WLS: variants seen among roughly 807,000 people sequenced by gnomAD.
WLS encodes Wnt ligand secretion mediator.
WLS carries 23 observed loss-of-function variants against 62.8 expected under a neutral mutation model. The observed-to-expected ratio is 0.37, with a 90% CI of 0.26 to 0.52. WLS has a LOEUF of 0.52. Ranked by LOEUF, WLS falls within the 20% of genes least tolerant of loss-of-function variation. The pLI is 0.92. For missense variants in WLS, 615 were observed against 697.3 expected (o/e 0.88, Z 1.33); for synonymous variants, 246 against 244.1 (o/e 1.01, Z -0.07).
At chr1:68,225,775 C>G (rs1299191580) in intron 1 of WLS, among the ~76,000 whole-genome samples, 2 of 152,198 alleles carry the variant, frequency 1.3e-5, no homozygotes, top group East Asian at 3.8e-4. Flanking sequence ...AACCTACACC[C>G]TCTAAAAACC....
At chr1:68,160,051 A>T (rs1046429899) in intron 2 of WLS, among the ~76,000 whole-genome samples, 6 of 149,456 alleles carry the variant, frequency 4.0e-5, no homozygotes, top group Non-Finnish European at 7.4e-5. Flanking sequence ...TATGATGAGC[A>T]AGTTCAAGAG....
intron 1 of WLS, among the ~76,000 whole-genome samples, chr1:68,220,762 A>G (rs562229420): frequency 6.6e-6 from 1 of 152,330 alleles, no homozygotes; most frequent in African/African-American, 2.4e-5. Context: ...GCAACTTTCA[A>G]AATTACTAAA....
intron 4 of WLS, 90 bp downstream of exon 4, chr1:68,155,009 C>A: frequency 7.4e-7 from 1 of 1,360,024 alleles, no homozygotes; most frequent in East Asian, 2.4e-5. Context: ...ATTCCCATTT[C>A]TCAGATGAGA....
chr1:68,212,388 C>A (rs944084604), intron 1 of WLS, among the ~76,000 whole-genome samples: 1 of 152,162 alleles, frequency 6.6e-6, no homozygotes, highest in Admixed American at 6.5e-5. Flanking sequence ...TTTTATCCCC[C>A]AAATTCCATT....
intron 11 of WLS, among the ~76,000 whole-genome samples, chr1:68,134,531 G>A (rs556762361): frequency 2.0e-5 from 3 of 152,092 alleles, no homozygotes; most frequent in Non-Finnish European, 4.4e-5. Flanking sequence ...TTTCACAGAG[G>A]GTCTACTTGG....
chr1:68,210,687 G>A (rs1649477508), intron 1 of WLS, among the ~76,000 whole-genome samples: 1 of 152,128 alleles, frequency 6.6e-6, no homozygotes, highest in Admixed American at 6.5e-5. Flanking sequence ...GTAAATTGGG[G>A]TTCCCTGTTG....
At chr1:68,136,117 A>G (rs1046381867) in intron 11 of WLS, among the ~76,000 whole-genome samples, 5 of 152,162 alleles carry the variant, frequency 3.3e-5, no homozygotes, top group African/African-American at 4.8e-5. Flanking sequence ...CAGGATGAAG[A>G]CAGACAGTGG....
At chr1:68,194,437 A>C (rs1648549414) in intron 1 of WLS, among the ~76,000 whole-genome samples, 1 of 152,106 alleles carries the variant, frequency 6.6e-6, no homozygotes, top group Admixed American at 6.5e-5. Flanking sequence ...GAACCTTCCC[A>C]TTATGTTTTC....
At chr1:68,196,591 C>A (rs1434859229) in intron 1 of WLS, among the ~76,000 whole-genome samples, 7 of 152,018 alleles carry the variant, frequency 4.6e-5, no homozygotes, top group Non-Finnish European at 7.4e-5. Flanking sequence ...TTTTTCTATT[C>A]TATTAAACAT....
chr1:68,102,056 G>T (rs1006187772), intron 11 of WLS, among the ~76,000 whole-genome samples: 6 of 152,188 alleles, frequency 3.9e-5, no homozygotes, highest in African/African-American at 1.4e-4. Context: ...ACAGGTGAAG[G>T]TGGTTAGACT....
At chr1:68,162,594 C>T (rs954113257) in intron 2 of WLS, 18 of 1,423,690 alleles carry the variant, frequency 1.3e-5, no homozygotes, top group Non-Finnish European at 1.6e-5. Flanking sequence ...CGCGGTTCTG[C>T]TCCATGCTCT....
At chr1:68,137,664 A>C in intron 11 of WLS, 116 bp downstream of exon 11, 2 of 1,187,114 alleles carry the variant, frequency 1.7e-6, no homozygotes, top group African/African-American at 1.5e-5. Context: ...CAGTGTGAGG[A>C]GTATACTTGG....
intron 2 of WLS, chr1:68,186,786 C>T: frequency 2.6e-6 from 1 of 379,480 alleles, no homozygotes; most frequent in Non-Finnish European, 5.2e-6. Context: ...ATGTATATTG[C>T]TGAATATATA....
chr1:68,213,376 G>A (rs552146742), intron 1 of WLS, among the ~76,000 whole-genome samples: 1 of 151,154 alleles, frequency 6.6e-6, no homozygotes, highest in Non-Finnish European at 1.5e-5. Context: ...ACTTGAACCC[G>A]GGACGCAGAG....
intron 1 of WLS, among the ~76,000 whole-genome samples, chr1:68,218,112 A>C (rs2100656749): frequency 6.6e-6 from 1 of 152,324 alleles, no homozygotes. Flanking sequence ...AGCAGCATAC[A>C]CAATAAACTT....
chr1:68,127,024 CTA>C, intron 11 of WLS: 1 of 350,138 alleles, frequency 2.9e-6, no homozygotes, highest in Non-Finnish European at 5.7e-6. Flanking sequence ...GACCCTGACT[CTA>C]AAAAAAAAAT....
chr1:68,153,795 A>G (rs1196591828), intron 4 of WLS, 142 bp from the exon 5 acceptor site: 2 of 1,094,378 alleles, frequency 1.8e-6, no homozygotes, highest in Non-Finnish European at 1.3e-6. Flanking sequence ...CATAGCAGGT[A>G]CTGCCCTCAT....
At chr1:68,124,574 C>T (rs1034025647), downstream of WLS, among the ~76,000 whole-genome samples, 4 of 152,172 alleles carry the variant, frequency 2.6e-5, no homozygotes, top group Non-Finnish European at 4.4e-5. Context: ...CAGGAGTTCC[C>T]TGCTGGACTG....
chr1:68,200,643 T>C (rs1648961665), intron 1 of WLS, among the ~76,000 whole-genome samples: 1 of 151,004 alleles, frequency 6.6e-6, no homozygotes, highest in Admixed American at 6.7e-5. Flanking sequence ...TTTGAAGCAA[T>C]AGCTGAAGAA....
Sources: allele counts gnomAD v4.1 joint callset (sites outside exome capture counted in the v4.1 genomes callset), GRCh38; gene constraint gnomAD v4.1.1; transcripts MANE v1.5; gene names NCBI Gene and HGNC (gene_info 2026-07-23, HGNC 2026-07-21).